TRAPPC12: variants seen among roughly 807,000 people sequenced by gnomAD.
TRAPPC12 encodes the protein TPR repeat protein 15.
TRAPPC12 carries 61 observed loss-of-function variants against 69.2 expected under a neutral mutation model. That is an observed-to-expected ratio of 0.88 (90% CI 0.72 to 1.09). TRAPPC12 has a LOEUF of 1.09. Ranked by LOEUF, TRAPPC12 falls within the 50% of genes least tolerant of loss-of-function variation. The pLI, the probability that TRAPPC12 is intolerant of heterozygous loss-of-function variation, is 0.00. For missense variants in TRAPPC12, 1,101 were observed against 1,016.4 expected (o/e 1.08, Z -1.13); for synonymous variants, 469 against 438.9 (o/e 1.07, Z -0.86).
At chr2:3,471,422 C>T (rs1053512060) in intron 9 of TRAPPC12, among the ~76,000 whole-genome samples, 5 of 152,158 alleles carry the variant, frequency 3.3e-5, no homozygotes, top group Admixed American at 1.3e-4. Flanking sequence ...GTCAGCGCAC[C>T]CGCCAGACAG....
At chr2:3,433,368 C>T (rs1663557068) in intron 5 of TRAPPC12, among the ~76,000 whole-genome samples, 1 of 152,248 alleles carries the variant, frequency 6.6e-6, no homozygotes, top group African/African-American at 2.4e-5. Flanking sequence ...TAAAATTGGG[C>T]AAAGGGTCTG....
chr2:3,404,195 T>C (rs1363734144), intron 3 of TRAPPC12, among the ~76,000 whole-genome samples: 2 of 152,238 alleles, frequency 1.3e-5, no homozygotes, highest in East Asian at 3.9e-4. Context: ...GGGTGGGGGC[T>C]GTACTCTGCT....
Position 3,477,995 on chromosome 2 carries a change from ATTT to A in TRAPPC12, c.1877+203_1877+205del, listed in dbSNP as rs1404527404. 6 of 438,690 alleles carry A rather than the reference ATTT, an allele frequency of 1.4e-5. No homozygotes were observed. The East Asian group carries it at 2.1e-4, about 15-fold the overall frequency. The allele number at this position is 438,690 out of a possible 1,614,324, so 27.2% of individuals were successfully genotyped here. A position where few individuals can be genotyped will look rare whatever the true frequency, so the allele number is the denominator to read the frequency against. ...GATGTTCTTTTAGTCACAGAAGCTGATTTTTAAGGAGCTATTCCCCCTTGTTCT... is the reference window on the plus strand; with the variant it reads ...GATGTTCTTTTAGTCACAGAAGCTGATTAAGGAGCTATTCCCCCTTGTTCT... On this transcript the variant is annotated intron_variant, in intron 10 of 11. Transcript: ENST00000324266.
At position 3,457,686 on chromosome 2, in the gene TRAPPC12, C is replaced by G; in HGVS notation, c.1596C>G (p.Gly532=). ...GCATGAGCAGCGTGACTCAGGAGGG[C>G]AGACAAGGTGGGTCGGCCGGACTTT... ...DGGMSSVTQE[G]RQASIRLWRS... The change falls in exon 7 of 12, where the codon GGC becomes GGG. Residue 532 remains glycine (G), a synonymous_variant. Coordinates refer to ENST00000324266, the MANE Select transcript of TRAPPC12 (RefSeq NM_016030.6). 1 of 1,610,822 alleles carries G rather than the reference C, an allele frequency of 6.2e-7. No homozygotes were observed. Among genetic ancestry groups the G allele is most frequent in the Non-Finnish European group, 8.5e-7 (1 of 1,179,956 alleles).
chr2:3,470,102 T>TC (rs776787739), intron 9 of TRAPPC12, among the ~76,000 whole-genome samples: 13 of 152,102 alleles, frequency 8.5e-5, no homozygotes, highest in Non-Finnish European at 1.5e-4. Flanking sequence ...CTAGGAAATG[T>TC]CCCCAGCAGG....
chr2:3,395,172 C>T (rs1455866670), intron 2 of TRAPPC12, among the ~76,000 whole-genome samples: 1 of 152,154 alleles, frequency 6.6e-6, no homozygotes, highest in African/African-American at 2.4e-5. Context: ...ATTTTGTATC[C>T]ATGGTATAGT....
At chr2:3,433,983 C>A (rs1242993235) in intron 5 of TRAPPC12, among the ~76,000 whole-genome samples, 2 of 152,166 alleles carry the variant, frequency 1.3e-5, no homozygotes, top group Admixed American at 1.3e-4. Context: ...TTGACAACCA[C>A]CCTCAGCATG....
chr2:3,474,046 A>G (rs921908688), intron 9 of TRAPPC12, among the ~76,000 whole-genome samples: 2 of 152,198 alleles, frequency 1.3e-5, no homozygotes, highest in African/African-American at 4.8e-5. Context: ...TAAAATGGCC[A>G]TTGCCCATCT....
At chr2:3,458,440 C>G (rs1426714808) in intron 7 of TRAPPC12, 1 of 985,928 alleles carries the variant, frequency 1.0e-6, no homozygotes, top group Admixed American at 6.1e-5. Flanking sequence ...AAGTCAAGAT[C>G]GGGTGGTCTC....
intron 5 of TRAPPC12, among the ~76,000 whole-genome samples, chr2:3,441,113 G>T (rs1385414248): frequency 6.6e-6 from 1 of 151,978 alleles, no homozygotes; most frequent in Admixed American, 6.6e-5. Flanking sequence ...GAAGATTTTT[G>T]CATTTATGTT....
At chr2:3,391,808 A>T (rs143784042) in intron 2 of TRAPPC12, among the ~76,000 whole-genome samples, 1 of 150,886 alleles carries the variant, frequency 6.6e-6, no homozygotes, top group Non-Finnish European at 1.5e-5. Context: ...GATGGCTTTC[A>T]TGTTCTGCTC....
Position 3,421,723 on chromosome 2 carries a change from C to T in TRAPPC12, c.1165-158C>T, listed in dbSNP as rs74995684. 3.9e-3 allele frequency: 2,832 copies of T among 734,664 alleles called. 12 individuals are homozygous for T. Among genetic ancestry groups the T allele is most frequent in the Non-Finnish European group, 4.9e-3 (1,956 of 401,368 alleles). The allele number at this position is 734,664 out of a possible 1,614,324, so 45.5% of individuals were successfully genotyped here. A position where few individuals can be genotyped will look rare whatever the true frequency, so the allele number is the denominator to read the frequency against. On this transcript the variant is annotated intron_variant, in intron 3 of 11. Transcript: ENST00000324266. ...AGCGTTGACAAATGGCATGCCCCTC[C>T]GTGCCGTCAGCACACTGACGTTGTC... is the stretch of plus-strand genomic sequence containing the variant.
At chr2:3,457,828 A>G (rs559532922) in intron 7 of TRAPPC12, 135 bp downstream of exon 7, 121 of 1,457,138 alleles carry the variant, frequency 8.3e-5, no homozygotes, top group Non-Finnish European at 1.0e-4. Flanking sequence ...TGCATTTGCA[A>G]CTCACTCCTT....
At chr2:3,449,263 T>C (rs1166527817) in intron 6 of TRAPPC12, 2 of 152,252 alleles carry the variant, frequency 1.3e-5, no homozygotes, top group African/African-American at 4.8e-5. Flanking sequence ...CTGCAAGCCA[T>C]TTGCATAAGT....
At position 3,465,374 on chromosome 2, in the gene TRAPPC12, G is replaced by A. The variant is rs369005037; in HGVS notation, c.1678-223G>A. Among the ~76,000 whole-genome samples, 37 of 152,262 alleles carry A rather than the reference G, an allele frequency of 2.4e-4. 1 individual carries two copies. Among genetic ancestry groups the A allele is most frequent in the Middle Eastern group, 3.4e-3 (1 of 294 alleles). ...CCCCGGTGACAGGCAGGACCCCGCC[G>A]TTGCGATGCGCACAGCTCAGAATCC... On this transcript the variant is annotated intron_variant, in intron 8 of 11. Coordinates refer to ENST00000324266, the MANE Select transcript of TRAPPC12 (RefSeq NM_016030.6).
chr2:3,444,719 G>C (rs1002041326), intron 6 of TRAPPC12, among the ~76,000 whole-genome samples: 1 of 152,202 alleles, frequency 6.6e-6, no homozygotes, highest in Non-Finnish European at 1.5e-5. Flanking sequence ...GAAGTTTTGC[G>C]GAGTTCCAAG....
intron 2 of TRAPPC12, among the ~76,000 whole-genome samples, chr2:3,390,467 C>G (rs183423183): frequency 6.6e-6 from 1 of 152,116 alleles, no homozygotes; most frequent in South Asian, 2.1e-4. Context: ...TTTGTAATTG[C>G]AAAGAATCTG....
intron 3 of TRAPPC12, among the ~76,000 whole-genome samples, chr2:3,403,408 A>G (rs1007594219): frequency 4.0e-5 from 6 of 151,608 alleles, no homozygotes; most frequent in South Asian, 2.1e-4. Context: ...AATTTTTTGT[A>G]TTTTTAGTAG....
chr2:3,476,772 C>T (rs548788146), intron 9 of TRAPPC12, among the ~76,000 whole-genome samples: 10 of 152,286 alleles, frequency 6.6e-5, no homozygotes, highest in African/African-American at 2.4e-4. Flanking sequence ...CCCAGCCCTC[C>T]TCATGGAGGT....
Sources: allele counts gnomAD v4.1 joint callset (sites outside exome capture counted in the v4.1 genomes callset), GRCh38; gene constraint gnomAD v4.1.1; transcripts MANE v1.5; gene names NCBI Gene and HGNC (gene_info 2026-07-23, HGNC 2026-07-21).